The following CGGBP1 variants were observed in gnomAD, a reference collection of about 807,000 sequenced individuals.
The protein encoded by CGGBP1 is CGG triplet repeat-binding protein 1.
Under a neutral mutation model 11.4 loss-of-function variants are expected in CGGBP1, and 4 were observed. That is an observed-to-expected ratio of 0.35 (90% CI 0.17 to 0.80). CGGBP1 has a LOEUF of 0.80. CGGBP1 is among the 30% of genes least tolerant of loss of function. The pLI, the probability that CGGBP1 is intolerant of heterozygous loss-of-function variation, is 0.52. For synonymous variants in CGGBP1, 76 were observed against 74.1 expected (o/e 1.03, Z -0.13); for missense variants, 135 against 202.1 (o/e 0.67, Z 2.01).
rs545636141 is a variant in CGGBP1 at position 88,069,964 on chromosome 3, GT to G, written c.-228-11742del. On this transcript the variant is annotated intron_variant, in intron 2 of 3. Coordinates refer to the CGGBP1 transcript ENST00000462901. Reference sequence around the variant, plus strand: ...TACCAGTCCCAAATACAATGGATGTGTTTTTTTGGCCTTTATCTGTCGTACT... The same window carrying G: ...TACCAGTCCCAAATACAATGGATGTGTTTTTTGGCCTTTATCTGTCGTACT... Among the ~76,000 whole-genome samples the G allele has an allele frequency of 1.4e-4, 22 of 152,132 alleles. No homozygotes were observed. The East Asian group carries it at 2.9e-3, about 20-fold the overall frequency.
chr3:88,059,135 C>G, upstream of CGGBP1: 1 of 1,135,172 alleles, frequency 8.8e-7, no homozygotes. Context: ...TGGCAGCTTG[C>G]GTCTTCCAAT....
chr3:88,130,669 C>T (rs1292489615), intron 2 of CGGBP1, among the ~76,000 whole-genome samples: 13 of 146,192 alleles, frequency 8.9e-5, no homozygotes, highest in African/African-American at 2.8e-4. Context: ...TTGCCCAGGC[C>T]GGTTTGGAAC....
chr3:88,134,545 A>C (rs1055906081), intron 2 of CGGBP1, among the ~76,000 whole-genome samples: 1 of 152,108 alleles, frequency 6.6e-6, no homozygotes, highest in Non-Finnish European at 1.5e-5. Flanking sequence ...CAAATGGTCC[A>C]TAACCTGTCT....
chr3:88,132,159 G>A (rs1329230248), intron 2 of CGGBP1, among the ~76,000 whole-genome samples: 1 of 152,086 alleles, frequency 6.6e-6, no homozygotes, highest in African/African-American at 2.4e-5. Flanking sequence ...CTAGTAAGTA[G>A]TGAAGCCAGG....
chr3:88,088,243 T>C (rs1708439263), intron 2 of CGGBP1, among the ~76,000 whole-genome samples: 1 of 152,180 alleles, frequency 6.6e-6, no homozygotes, highest in South Asian at 2.1e-4. Flanking sequence ...CTCATAGGGC[T>C]CCCAATTATT....
intron 2 of CGGBP1, among the ~76,000 whole-genome samples, chr3:88,071,672 C>T (rs4858987): frequency 0.94 from 142,782 of 151,782 alleles, 67,681 homozygotes; most frequent in Non-Finnish European, 1. Context: ...GGCGTGGTGG[C>T]GGGTGCCTTT....
intron 2 of CGGBP1, among the ~76,000 whole-genome samples, chr3:88,099,188 A>G (rs1194582651): frequency 6.6e-6 from 1 of 152,154 alleles, no homozygotes; most frequent in East Asian, 1.9e-4. Context: ...CTCTACACCA[A>G]TAACAGACAG....
rs187579551 is a variant in CGGBP1 at position 88,118,224 on chromosome 3, A to G, written c.-229+22746T>C. Among the ~76,000 whole-genome samples the G allele has an allele frequency of 2.9e-4, 44 of 152,268 alleles. No individual in the cohort carries two copies. The East Asian group carries it at 7.5e-3, about 26-fold the overall frequency. The stretch of plus-strand genomic sequence containing the variant: ...TTGTTCAGGCTAGAAGTAGGCCTTA[A>G]TAAAGCCTTCTTTCCCTGAGACACA... On this transcript the variant is annotated intron_variant, in intron 2 of 3. Transcript: ENST00000462901.
At chr3:88,063,870 G>C (rs1455517060), upstream of CGGBP1, among the ~76,000 whole-genome samples, 1 of 152,086 alleles carries the variant, frequency 6.6e-6, no homozygotes, top group Admixed American at 6.6e-5. Flanking sequence ...GTAGTTGCTT[G>C]AGTCCCAACT....
At chr3:88,138,424 A>G (rs1173697801) in intron 2 of CGGBP1, among the ~76,000 whole-genome samples, 11 of 143,768 alleles carry the variant, frequency 7.7e-5, no homozygotes, top group Non-Finnish European at 1.4e-4. Flanking sequence ...ATGAATCACC[A>G]TAAGTCCATT....
intron 1 of CGGBP1, chr3:88,143,568 TTAA>T (rs1292609582): frequency 2.0e-5 from 3 of 152,350 alleles, no homozygotes; most frequent in African/African-American, 7.2e-5. Context: ...TTCCAGAAGT[TTAA>T]TATTTTATCA....
intron 2 of CGGBP1, among the ~76,000 whole-genome samples, chr3:88,120,940 T>C (rs1473315773): frequency 6.6e-6 from 1 of 152,118 alleles, no homozygotes; most frequent in Non-Finnish European, 1.5e-5. Flanking sequence ...ATACTTTTGA[T>C]AGAAAATTTT....
At chr3:88,120,796 T>A (rs1705722256) in intron 2 of CGGBP1, among the ~76,000 whole-genome samples, 1 of 59,628 alleles carries the variant, frequency 1.7e-5, no homozygotes, top group South Asian at 1.2e-3. Context: ...TTCAACAGTA[T>A]AAAGTCAGTG....
At chr3:88,137,881 G>T (rs918035633) in intron 2 of CGGBP1, among the ~76,000 whole-genome samples, 2 of 151,982 alleles carry the variant, frequency 1.3e-5, no homozygotes, top group African/African-American at 4.8e-5. Flanking sequence ...TATACCATAT[G>T]TAGGCAGTAT....
At chr3:88,119,463 G>A (rs139684420) in intron 2 of CGGBP1, among the ~76,000 whole-genome samples, 1 of 147,736 alleles carries the variant, frequency 6.8e-6, no homozygotes, top group Non-Finnish European at 1.5e-5. Context: ...TAGTGGGTGT[G>A]CGCACCAGCA....
At chr3:88,139,708 G>A in intron 2 of CGGBP1, 1 of 1,574,274 alleles carries the variant, frequency 6.4e-7, no homozygotes, top group South Asian at 1.2e-5. Context: ...ATTGAAAATG[G>A]CAGTCCTAAT....
At chr3:88,113,247 T>C (rs1235195941) in intron 2 of CGGBP1, 21 of 1,123,692 alleles carry the variant, frequency 1.9e-5, no homozygotes, top group Non-Finnish European at 2.4e-5. Flanking sequence ...AAATAGACCA[T>C]TATGCTCCCC....
intron 2 of CGGBP1, among the ~76,000 whole-genome samples, chr3:88,091,492 C>G (rs962844393): frequency 6.6e-6 from 1 of 151,996 alleles, no homozygotes; most frequent in African/African-American, 2.4e-5. Context: ...TCTTTGTTAA[C>G]TTTAGTGTTA....
At position 88,103,950 on chromosome 3, in the gene CGGBP1, C is replaced by T. The variant is rs777819538; in HGVS notation, c.-229+37020G>A. On this transcript the variant is annotated intron_variant, in intron 2 of 3. Coordinates refer to the CGGBP1 transcript ENST00000462901. ...CCTGGCTGATTTTTTTATTTTTAGA[C>T]GGGGTTTTGTCATGTTGGCCCGGCT... Among the ~76,000 whole-genome samples, 86 of 151,494 alleles carry T rather than the reference C, an allele frequency of 5.7e-4. 2 individuals are homozygous for T. Among genetic ancestry groups the T allele is most frequent in the Non-Finnish European group, 3.4e-4 (23 of 67,860 alleles).
Sources: gnomAD v4.1 joint callset for allele counts (sites outside exome capture counted in the v4.1 genomes callset) on GRCh38, gnomAD v4.1.1 for gene constraint, MANE v1.5 for transcripts, NCBI Gene and HGNC (gene_info 2026-07-23, HGNC 2026-07-21) for gene names.